Variants in SLC4A9 observed in about 807,000 individuals in gnomAD.
SLC4A9 encodes anion exchange protein 4.
SLC4A9 carries 102 observed loss-of-function variants against 103.2 expected under a neutral mutation model. That is an observed-to-expected ratio of 0.99 (90% CI 0.84 to 1.17). The LOEUF (loss-of-function observed/expected upper bound fraction) is 1.17, where lower values mean the gene tolerates loss of function less well. SLC4A9 is among the 50% of genes most tolerant of loss of function. The pLI is 0.00. For missense variants in SLC4A9, 1,091 were observed against 1,193.7 expected, an observed-to-expected ratio of 0.91 and a Z score of 1.27; for synonymous variants, 453 against 483.6, an observed-to-expected ratio of 0.94 and a Z score of 0.83.
At position 140,365,533 on chromosome 5, in the gene SLC4A9, A is replaced by G. The variant is rs371345508; in HGVS notation, c.1665A>G (p.Gln555=). Residue 555 remains glutamine, a synonymous_variant, in exon 12 of 22, where the codon CAA becomes CAG. Transcript: ENST00000506757. ...TCTGCTTCCCAGGAAATGAGTCTCA[A>G]TGGATAAGGACAAGGCCAAAAGACA... ...QYPGPGGNES[Q]WIRTRPKDRD... is the part of the protein sequence containing the mutation. The G allele has an allele frequency of 1.2e-6, 2 of 1,611,256 alleles. No homozygotes were observed. Among genetic ancestry groups the G allele is most frequent in the Admixed American group, 1.7e-5 (1 of 59,588 alleles).
intron 14 of SLC4A9, among the ~76,000 whole-genome samples, 172 bp downstream of exon 14, chr5:140,366,436 C>CCACA: frequency 6.6e-6 from 1 of 152,172 alleles, no homozygotes; most frequent in Admixed American, 6.5e-5. Flanking sequence ...AAATGAAGTA[C>CCACA]TGCAGCAGAC....
intron 19 of SLC4A9, 53 bp downstream of exon 19, chr5:140,371,677 G>GCCTGGAAGGGTGGCCAAGGCCT: frequency 6.3e-7 from 1 of 1,591,172 alleles, no homozygotes; most frequent in Non-Finnish European, 8.6e-7. Flanking sequence ...GAGACTCTGA[G>GCCTGGAAGGGTGGCCAAGGCCT]CCTGGAAGGG....
intron 21 of SLC4A9, 63 bp downstream of exon 21, chr5:140,372,906 A>T: frequency 2.0e-6 from 2 of 988,004 alleles, no homozygotes; most frequent in Non-Finnish European, 2.9e-6. Context: ...AGACCTTGGA[A>T]CTCTCCAGTG....
chr5:140,363,402 A>G lies in SLC4A9; in HGVS notation c.963-37A>G. 6.6e-7 allele frequency: 1 copy of G among 1,523,696 alleles called. No homozygotes were observed. Among genetic ancestry groups the G allele is most frequent in the Non-Finnish European group, 8.9e-7 (1 of 1,122,724 alleles). 94.4% of individuals were successfully genotyped at this position (1,523,696 alleles called of 1,614,324 possible). On this transcript the variant is annotated intron_variant, in intron 7 of 21. Coordinates refer to ENST00000506757, the MANE Select transcript of SLC4A9 (RefSeq NM_031467.3). The surrounding 1 kb of genome is among the most constrained non-coding windows in gnomAD (Gnocchi z 4.5). ...CTGGACCGAGTCGCAGACTGGTTGG[A>G]GATCCTCAGCCAACCTGGGGTTCCC...
Position 140,362,179 on chromosome 5 carries a change from G to A in SLC4A9, c.719+5G>A, listed in dbSNP as rs1452411004. The A allele has an allele frequency of 2.0e-6, 3 of 1,523,372 alleles. No homozygotes were observed. The highest frequency in any genetic ancestry group is 4.6e-5 in the East Asian group (2 of 43,652). The allele number at this position is 1,523,372 out of a possible 1,614,324, so 94.4% of individuals were successfully genotyped here. A position where few individuals can be genotyped will look rare whatever the true frequency, so the allele number is the denominator to read the frequency against. ...TGAGGTGTCCCTCCCAAGCAGGTGA[G>A]GCTACTGAGTGAGTGGGAGTCAGGG... On this transcript the variant is annotated splice_donor_5th_base_variant and intron_variant, in intron 5 of 21. Transcript: ENST00000506757.
chr5:140,362,455 C>T lies in SLC4A9; in HGVS notation c.730C>T (p.Leu244Phe). ...TGGTTCCTTCCTCAGGTTTTTCTGC[C>T]TTCTCCTGGGCCCCTGTATGCTGGG... ...EVSLPSRFFC[L>F]LLGPCMLGKG... Residue 244 changes from leucine to phenylalanine, a missense_variant, in exon 6 of 22, where the codon CTT becomes TTT. Physicochemically the swap from Leu to Phe is conservative, Grantham distance 22. Coordinates refer to ENST00000506757, the MANE Select transcript of SLC4A9 (RefSeq NM_031467.3). The T allele has an allele frequency of 6.2e-7, 1 of 1,614,008 alleles. No homozygotes were observed. The highest frequency in any genetic ancestry group is 8.5e-7 in the Non-Finnish European group (1 of 1,179,874).
intron 6 of SLC4A9, 129 bp downstream of exon 6, chr5:140,362,661 C>T: frequency 9.6e-7 from 1 of 1,044,102 alleles, no homozygotes; most frequent in Non-Finnish European, 1.5e-6. Context: ...CTAAATACAG[C>T]AATGAGGCAC....
At chr5:140,371,368 TGCTGGGCTATGATA>T (rs1768695952) in intron 18 of SLC4A9, 69 bp from the exon 19 acceptor site, 1 of 1,550,590 alleles carries the variant, frequency 6.4e-7, no homozygotes, top group African/African-American at 1.4e-5. Context: ...CTGCTCCCAG[TGCTGGGCTATGATA>T]GCTATCAGTG....
chr5:140,361,446 AGAAG>A, intron 3 of SLC4A9, 79 bp downstream of exon 3: 1 of 1,194,694 alleles, frequency 8.4e-7, no homozygotes, highest in Non-Finnish European at 1.2e-6. Context: ...TTCCAGGGCT[AGAAG>A]TAGCCCAGGC....
At chr5:140,361,733 A>G (rs2126741706) in intron 3 of SLC4A9, 75 bp from the exon 4 acceptor site, 1 of 1,549,824 alleles carries the variant, frequency 6.5e-7, no homozygotes, top group East Asian at 2.3e-5. Flanking sequence ...GTCAGTGGCA[A>G]AAGTGATTAG....
At chr5:140,361,901 G>A (rs1215405495) in intron 4 of SLC4A9, 38 bp downstream of exon 4, 2 of 1,613,360 alleles carry the variant, frequency 1.2e-6, no homozygotes, top group Non-Finnish European at 1.7e-6. Flanking sequence ...TCCAGTGGCT[G>A]GGAGAGGGGT....
In SLC4A9 at chr5:140,371,182, C is replaced by T; in HGVS notation, c.2496+19C>T. On this transcript the variant is annotated intron_variant, in intron 18 of 21. Transcript: ENST00000506757. ...CATTCAGGTGAGCCCATTAAAATCA[C>T]CTAACAAAAGAAAAAAGAAGAATAA... is the stretch of plus-strand genomic sequence containing the variant. 1.9e-6 allele frequency: 3 copies of T among 1,599,356 alleles called. No homozygotes were observed. Among genetic ancestry groups the T allele is most frequent in the Non-Finnish European group, 1.7e-6 (2 of 1,172,306 alleles).
rs1249035020 is a variant in SLC4A9, at chr5:140,368,597, C to T, written c.2365C>T (p.Leu789=). 5 of 1,612,826 alleles carry T rather than the reference C, an allele frequency of 3.1e-6. No homozygotes were observed. The highest frequency in any genetic ancestry group is 2.5e-6 in the Non-Finnish European group (3 of 1,179,658). ...PNFLGIREQR[L]TGLVVFILTG... ...TCCCTCTCCCCACAGGGAACAGAGG[C>T]TGACAGGCCTGGTGGTGTTCATCCT... The change falls in exon 17 of 22, where the codon CTG becomes TTG. Residue 789 remains leucine, a synonymous_variant. Coordinates refer to ENST00000506757, the MANE Select transcript of SLC4A9 (RefSeq NM_031467.3).
In SLC4A9 at chr5:140,364,357, C is replaced by T. The variant is rs771373322; in HGVS notation, c.1389-6C>T. Reference sequence around the variant, plus strand: ...AAGCCAGCCTTCCTGTCTCTCATCCCCACAGAGATTACAGCCTGGACTACC... The same window carrying T: ...AAGCCAGCCTTCCTGTCTCTCATCCTCACAGAGATTACAGCCTGGACTACC... On this transcript the variant is annotated splice_region_variant and splice_polypyrimidine_tract_variant and intron_variant, in intron 10 of 21. Coordinates refer to ENST00000506757, the MANE Select transcript of SLC4A9 (RefSeq NM_031467.3). 5 of 1,612,440 alleles carry T rather than the reference C, an allele frequency of 3.1e-6. No homozygotes were observed. In the South Asian group the frequency reaches 5.5e-5, roughly 18 times the overall value.
chr5:140,361,428 C>T, intron 3 of SLC4A9, 61 bp downstream of exon 3: 1 of 1,351,398 alleles, frequency 7.4e-7, no homozygotes, highest in African/African-American at 1.5e-5. Flanking sequence ...TCAGATCTCC[C>T]CTGCACCTTC....
rs1044295611 is a variant in SLC4A9 at position 140,360,249 on chromosome 5, C to A, written c.13C>A (p.Leu5Met). 3 of 1,610,850 alleles carry A rather than the reference C, an allele frequency of 1.9e-6. No homozygotes were observed. In the African/African-American group the frequency reaches 4.0e-5, roughly 22 times the overall value. MEMKLPGQEGFEASS... is the reference protein window; with the variant it reads MEMKMPGQEGFEASS... ...CTGTGCAAGCCTCATGGAAATGAAG[C>A]TGCCAGGCCAGGAAGGGTTTGAAGC... Residue 5 changes from leucine (L) to methionine (M), a missense_variant, in exon 1 of 22, where the codon CTG becomes ATG. Coordinates refer to ENST00000506757, the MANE Select transcript of SLC4A9 (RefSeq NM_031467.3).
intron 11 of SLC4A9, 108 bp downstream of exon 11, chr5:140,364,733 C>T: frequency 3.0e-6 from 4 of 1,346,116 alleles, no homozygotes; most frequent in Non-Finnish European, 3.0e-6. Flanking sequence ...ATGCTGCATA[C>T]TTACCCAATA....
Position 140,363,051 on chromosome 5 carries a change from C to T in SLC4A9, c.947C>T (p.Pro316Leu), listed in dbSNP as rs2126750675. ...CGGATTCCCCCGCCCAAATGTCTGC[C>T]ATCTCAGCACAAAAGGTACCTGGGA... ...TARIPPPKCLPSQHKRLPSQQ... is the reference protein window; with the variant it reads ...TARIPPPKCLLSQHKRLPSQQ... Residue 316 changes from proline (P) to leucine (L), a missense_variant, in exon 7 of 22, where the codon CCA becomes CTA. Pro to Leu is a moderately conservative substitution (Grantham distance 98, BLOSUM62 -3). Coordinates refer to ENST00000506757, the MANE Select transcript of SLC4A9 (RefSeq NM_031467.3). This position sits in a 1 kb window ranked among gnomAD's most constrained non-coding sequence, Gnocchi z 4.5. 6.2e-7 allele frequency: 1 copy of T among 1,613,312 alleles called. No individual in the cohort carries two copies. Among genetic ancestry groups the T allele is most frequent in the Admixed American group, 1.7e-5 (1 of 59,728 alleles).
intron 10 of SLC4A9, 28 bp downstream of exon 10, chr5:140,364,215 C>A (rs1469807463): frequency 4.5e-6 from 7 of 1,565,482 alleles, no homozygotes; most frequent in Non-Finnish European, 5.2e-6. Flanking sequence ...ATCACCGGAC[C>A]CTCACTAGTG....
Sources: allele counts gnomAD v4.1 joint callset (sites outside exome capture counted in the v4.1 genomes callset), GRCh38; gene constraint gnomAD v4.1.1; non-coding constraint Gnocchi (gnomAD v3.1); transcripts MANE v1.5; gene names NCBI Gene and HGNC (gene_info 2026-07-23, HGNC 2026-07-21).